The following MCPH1 variants were observed in gnomAD, a reference collection of about 807,000 sequenced individuals.
MCPH1 encodes the protein microcephalin.
In MCPH1, 104 loss-of-function variants were observed where a neutral mutation model predicts 84.5. The ratio of observed to expected loss-of-function variants is 1.23; its 90% CI spans 1.05 to 1.45. MCPH1 has a LOEUF of 1.45. Among genes scored for constraint, MCPH1 ranks in the 40% most tolerant of loss-of-function variants. The pLI, the probability that MCPH1 is intolerant of heterozygous loss-of-function variation, is 0.00. For missense variants in MCPH1, 1,498 were observed against 1,005.7 expected, an observed-to-expected ratio of 1.49 and a Z score of -6.62; for synonymous variants, 514 against 366.8, an observed-to-expected ratio of 1.40 and a Z score of -4.58.
At chr8:6,544,014 C>T (rs1376825897) in intron 12 of MCPH1, among the ~76,000 whole-genome samples, 5 of 152,130 alleles carry the variant, frequency 3.3e-5, no homozygotes, top group Admixed American at 1.3e-4. Flanking sequence ...ATCTGATCAG[C>T]AGTAGAATGT....
chr8:6,572,429 G>GAC (rs1431377648), intron 12 of MCPH1, among the ~76,000 whole-genome samples: 1 of 152,084 alleles, frequency 6.6e-6, no homozygotes, highest in African/African-American at 2.4e-5. Flanking sequence ...CCTATCAAGC[G>GAC]ACAGGCAAAT....
chr8:6,619,710 G>C (rs1229101371), intron 12 of MCPH1, among the ~76,000 whole-genome samples: 1 of 151,970 alleles, frequency 6.6e-6, no homozygotes, highest in Non-Finnish European at 1.5e-5. Flanking sequence ...TCAGCCTCCC[G>C]AGTAGCTGGG....
At chr8:6,464,487 C>G (rs1205147923) in intron 9 of MCPH1, among the ~76,000 whole-genome samples, 5 of 152,194 alleles carry the variant, frequency 3.3e-5, no homozygotes, top group Non-Finnish European at 7.3e-5. Flanking sequence ...TATTTGTTCA[C>G]TAACTGATTT....
intron 12 of MCPH1, chr8:6,503,233 G>T (rs776945342): frequency 6.2e-7 from 1 of 1,614,080 alleles, no homozygotes; most frequent in Non-Finnish European, 8.5e-7. Context: ...CGTTCAAGTT[G>T]GAAGGACCAC....
chr8:6,516,192 C>T (rs548477752), intron 12 of MCPH1, among the ~76,000 whole-genome samples: 1 of 152,296 alleles, frequency 6.6e-6, no homozygotes, highest in South Asian at 2.1e-4. Flanking sequence ...AATCAGTCTG[C>T]ACAAGCTAAC....
chr8:6,410,176 A>T (rs887759933), intron 2 of MCPH1, among the ~76,000 whole-genome samples: 1 of 151,732 alleles, frequency 6.6e-6, no homozygotes, highest in East Asian at 1.9e-4. Flanking sequence ...GGGTTTCACC[A>T]TGTTGGCCAG....
At position 6,624,789 on chromosome 8, in the gene MCPH1, G is replaced by A. The variant is rs901107454; in HGVS notation, c.2452+3098G>A. ...CCATACATACACACGTAAACCTACA[G>A]AACACACAGTCCAGGGCATTGCGTT... On this transcript the variant is annotated intron_variant, in intron 13 of 13. Transcript: ENST00000344683. 1.3e-4 allele frequency: 129 copies of A among 984,794 alleles called. 1 individual carries two copies. Among genetic ancestry groups the A allele is most frequent in the South Asian group, 1.9e-4 (4 of 21,272 alleles). The allele number at this position is 984,794 out of a possible 1,614,324, so 61.0% of individuals were successfully genotyped here.
chr8:6,480,270 G>A (rs1278241002), intron 10 of MCPH1, among the ~76,000 whole-genome samples: 5 of 152,164 alleles, frequency 3.3e-5, no homozygotes, highest in Admixed American at 2.0e-4. Flanking sequence ...AACAACAGGC[G>A]CGTGCCACCA....
intron 10 of MCPH1, 40 bp downstream of exon 10, chr8:6,477,671 A>C (rs1308165594): frequency 6.4e-7 from 1 of 1,571,062 alleles, no homozygotes; most frequent in South Asian, 1.1e-5. Context: ...GTAAAATGTT[A>C]ACCTTTTCTC....
In MCPH1 at chr8:6,638,410, C is replaced by A. The variant is rs554633353; in HGVS notation, c.2453-4584C>A. ...TTAACCACACTTGGATGCTGGCAAT[C>A]GCAGTTTTAGTTAAATAAAGTGACT... On this transcript the variant is annotated intron_variant, in intron 13 of 13. Transcript: ENST00000344683. Among the ~76,000 whole-genome samples the A allele has an allele frequency of 3.9e-5, 6 of 152,146 alleles. No homozygotes were observed. In the South Asian group the frequency reaches 6.2e-4, roughly 16 times the overall value.
chr8:6,454,807 G>C (rs1805502375), intron 8 of MCPH1, among the ~76,000 whole-genome samples: 1 of 152,188 alleles, frequency 6.6e-6, no homozygotes, highest in Non-Finnish European at 1.5e-5. Flanking sequence ...CTGAAGAGCT[G>C]TTCTTTGTCA....
intron 11 of MCPH1, among the ~76,000 whole-genome samples, chr8:6,496,000 G>T (rs1811180404): frequency 6.6e-6 from 1 of 152,166 alleles, no homozygotes. Flanking sequence ...AGGGACTTGG[G>T]GGTTGGGAGG....
chr8:6,506,026 A>T (rs1813656445), intron 12 of MCPH1, among the ~76,000 whole-genome samples: 1 of 145,600 alleles, frequency 6.9e-6, no homozygotes. Flanking sequence ...TATATATAAA[A>T]ACATATATAT....
intron 13 of MCPH1, chr8:6,626,251 T>TCAG (rs1832062445): frequency 1.0e-6 from 1 of 985,198 alleles, no homozygotes; most frequent in Admixed American, 6.2e-5. Context: ...TCAACAGGGC[T>TCAG]CAGTATACAA....
At chr8:6,592,708 G>A (rs549369512) in intron 12 of MCPH1, among the ~76,000 whole-genome samples, 62 of 144,530 alleles carry the variant, frequency 4.3e-4, no homozygotes, top group African/African-American at 1.5e-3. Flanking sequence ...AGGCTGAAGT[G>A]CAGTGGCGCT....
At chr8:6,474,021 T>A in intron 9 of MCPH1, 1 of 851,704 alleles carries the variant, frequency 1.2e-6, no homozygotes, top group South Asian at 1.4e-5. Context: ...TTTAGTTTCT[T>A]CTCATTATAA....
chr8:6,433,007 A>G (rs1385696188), intron 4 of MCPH1, among the ~76,000 whole-genome samples: 1 of 152,220 alleles, frequency 6.6e-6, no homozygotes, highest in Non-Finnish European at 1.5e-5. Context: ...ACACACATGT[A>G]CACACTCACA....
At chr8:6,581,667 T>G (rs1032037922) in intron 12 of MCPH1, among the ~76,000 whole-genome samples, 2 of 152,352 alleles carry the variant, frequency 1.3e-5, no homozygotes, top group African/African-American at 4.8e-5. Flanking sequence ...TCCATAGTCT[T>G]AGAGAAAGTT....
chr8:6,626,295 G>A, intron 13 of MCPH1: 1 of 985,268 alleles, frequency 1.0e-6, no homozygotes, highest in Non-Finnish European at 1.2e-6. Flanking sequence ...TTGCTCCCTG[G>A]AGAATTTCAT....
Sources: allele counts gnomAD v4.1 joint callset (sites outside exome capture counted in the v4.1 genomes callset), GRCh38; gene constraint gnomAD v4.1.1; transcripts MANE v1.5; gene names NCBI Gene and HGNC (gene_info 2026-07-23, HGNC 2026-07-21).